The following AHI1 variants were observed in gnomAD, a reference collection of about 807,000 sequenced individuals.
AHI1 encodes jouberin.
AHI1 carries 123 observed loss-of-function variants against 149.3 expected under a neutral mutation model. That is an observed-to-expected ratio of 0.82 (90% confidence interval 0.71 to 0.96). The LOEUF (loss-of-function observed/expected upper bound fraction) is 0.96, where lower values mean the gene tolerates loss of function less well. Among genes scored for constraint, AHI1 ranks in the 40% least tolerant of loss-of-function variants. The probability of loss-of-function intolerance (pLI) is 0.00; values close to 1 mark genes in which losing one functional copy is unlikely to be tolerated. For missense variants in AHI1, 1,439 were observed against 1,422.7 expected, an observed-to-expected ratio of 1.01 and a Z score of -0.18; for synonymous variants, 475 against 459.8, an observed-to-expected ratio of 1.03 and a Z score of -0.42.
chr6:135,428,689 C>T lies in AHI1; in HGVS notation c.2563G>A (p.Gly855Arg). 1 of 1,608,914 alleles carries T rather than the reference C, an allele frequency of 6.2e-7. No individual in the cohort carries two copies. The highest frequency in any genetic ancestry group is 1.3e-5 in the African/African-American group (1 of 74,888). ...TCACTTCCAGCAAACAGAAAAGTCCCACATGGAGTCAAAGTACTATGAATC... is the reference window on the plus strand; with the variant it reads ...TCACTTCCAGCAAACAGAAAAGTCCTACATGGAGTCAAAGTACTATGAATC... ...EKIHSTLTPC[G>R]TFLFAGSEDG... The change falls in exon 19 of 29, where the codon GGG (glycine) becomes AGG (arginine). Residue 855 changes from glycine to arginine, a missense_variant. By Grantham distance (125) the Gly-to-Arg change is moderately radical (BLOSUM62 -2). Transcript: ENST00000265602.
intron 25 of AHI1, among the ~76,000 whole-genome samples, chr6:135,321,726 T>G (rs917020979): frequency 6.6e-6 from 1 of 152,222 alleles, no homozygotes; most frequent in Non-Finnish European, 1.5e-5. Flanking sequence ...TTATAATAAT[T>G]ATTTCTTTGC....
intron 23 of AHI1, among the ~76,000 whole-genome samples, chr6:135,362,666 G>A (rs1486386761): frequency 2.6e-5 from 4 of 151,912 alleles, no homozygotes; most frequent in Non-Finnish European, 5.9e-5. Context: ...ATCTTCTTTT[G>A]ACAACTGTCA....
chr6:135,464,621 A>T (rs757404185), intron 7 of AHI1, among the ~76,000 whole-genome samples: 7 of 152,170 alleles, frequency 4.6e-5, no homozygotes, highest in Non-Finnish European at 7.4e-5. Context: ...TCACTCTCTC[A>T]GAGCCCTTGG....
At chr6:135,322,721 C>T (rs1452398870) in intron 25 of AHI1, among the ~76,000 whole-genome samples, 1 of 152,184 alleles carries the variant, frequency 6.6e-6, no homozygotes, top group African/African-American at 2.4e-5. Context: ...GAGAATGAAA[C>T]AACTTATTGT....
intron 24 of AHI1, among the ~76,000 whole-genome samples, chr6:135,351,669 T>C (rs552670846): frequency 6.6e-6 from 1 of 152,184 alleles, no homozygotes; most frequent in Non-Finnish European, 1.5e-5. Flanking sequence ...TTTAGAAAAG[T>C]AGCAGAAGGG....
chr6:135,414,660 GA>G (rs1483606232), intron 20 of AHI1, among the ~76,000 whole-genome samples: 1 of 151,978 alleles, frequency 6.6e-6, no homozygotes, highest in African/African-American at 2.4e-5. Flanking sequence ...AAGCTATATG[GA>G]TGACAAATAA....
intron 24 of AHI1, among the ~76,000 whole-genome samples, chr6:135,347,224 C>T (rs1791365519): frequency 6.6e-6 from 1 of 152,224 alleles, no homozygotes; most frequent in Non-Finnish European, 1.5e-5. Flanking sequence ...CCTTCATTAT[C>T]ACATTCCCTG....
At chr6:135,427,916 G>A (rs891787785) in intron 19 of AHI1, among the ~76,000 whole-genome samples, 1 of 150,580 alleles carries the variant, frequency 6.6e-6, no homozygotes, top group South Asian at 2.1e-4. Flanking sequence ...TGATGCTAAA[G>A]CATCAAAACA....
intron 26 of AHI1, 133 bp downstream of exon 26, chr6:135,318,386 T>C (rs1786291482): frequency 1.5e-6 from 1 of 676,730 alleles, no homozygotes; most frequent in Non-Finnish European, 2.5e-6. Context: ...TATTTCATAA[T>C]GATGTTTGTA....
intron 8 of AHI1, among the ~76,000 whole-genome samples, chr6:135,461,379 A>C (rs1789856542): frequency 6.6e-6 from 1 of 152,100 alleles, no homozygotes; most frequent in African/African-American, 2.4e-5. Flanking sequence ...ACATTCCTGA[A>C]GAATGAGGAA....
chr6:135,449,227 T>A (rs1787719385), intron 11 of AHI1, among the ~76,000 whole-genome samples: 1 of 152,130 alleles, frequency 6.6e-6, no homozygotes, highest in Admixed American at 6.5e-5. Context: ...TTTTGTGTTT[T>A]TAGTATAGTC....
intron 24 of AHI1, among the ~76,000 whole-genome samples, chr6:135,328,833 G>A (rs1326807459): frequency 2.0e-5 from 3 of 152,242 alleles, no homozygotes; most frequent in African/African-American, 4.8e-5. Flanking sequence ...AAAAGTTCTT[G>A]AAGGAAATTA....
At chr6:135,438,011 T>C (rs746660097) in intron 15 of AHI1, among the ~76,000 whole-genome samples, 1 of 152,148 alleles carries the variant, frequency 6.6e-6, no homozygotes, top group Non-Finnish European at 1.5e-5. Flanking sequence ...TTCTACCCTC[T>C]GCAAATCCAG....
chr6:135,359,274 T>C (rs527670096), intron 23 of AHI1, among the ~76,000 whole-genome samples: 12 of 152,358 alleles, frequency 7.9e-5, no homozygotes, highest in Admixed American at 2.6e-4. Context: ...CTTCATTCAA[T>C]TGACTAATAT....
At chr6:135,492,192 T>C (rs1795344456) in intron 4 of AHI1, 36 bp downstream of exon 4, 2 of 1,450,248 alleles carry the variant, frequency 1.4e-6, no homozygotes, top group Admixed American at 4.3e-5. Flanking sequence ...ATGTATAAAA[T>C]ATAAATTTTA....
chr6:135,423,899 ACTT>A (rs1182183528), intron 20 of AHI1, among the ~76,000 whole-genome samples: 3 of 152,094 alleles, frequency 2.0e-5, no homozygotes, highest in Admixed American at 1.3e-4. Context: ...AATGCTGAGA[ACTT>A]CTCAAATTAG....
intron 27 of AHI1, 50 bp from the exon 28 acceptor site, chr6:135,290,575 C>T (rs764366500): frequency 3.1e-6 from 5 of 1,600,474 alleles, no homozygotes; most frequent in Non-Finnish European, 2.6e-6. Flanking sequence ...GAGAGCTGAG[C>T]TAAAAGCTCA....
intron 11 of AHI1, among the ~76,000 whole-genome samples, chr6:135,451,400 T>C (rs1410877560): frequency 3.3e-5 from 5 of 152,216 alleles, no homozygotes. Context: ...GACATTAATA[T>C]GCTGGGAGCT....
At chr6:135,456,982 TATTCCCTTCC>T (rs1583322193) in intron 9 of AHI1, among the ~76,000 whole-genome samples, 2 of 152,268 alleles carry the variant, frequency 1.3e-5, no homozygotes, top group East Asian at 3.9e-4. Context: ...TAAAATGAAT[TATTCCCTTCC>T]ACTTAAAAGT....
Sources: gnomAD v4.1 joint callset for allele counts (sites outside exome capture counted in the v4.1 genomes callset) on GRCh38, gnomAD v4.1.1 for gene constraint, MANE v1.5 for transcripts, NCBI Gene and HGNC (gene_info 2026-07-23, HGNC 2026-07-21) for gene names.